The following GRM8 variants were observed in gnomAD, a reference collection of about 807,000 sequenced individuals.
The protein encoded by GRM8 is metabotropic glutamate receptor 8.
Under a neutral mutation model 87.2 loss-of-function variants are expected in GRM8, and 47 were observed. The observed-to-expected ratio is 0.54, with a 90% confidence interval of 0.43 to 0.69. GRM8 has a LOEUF of 0.69. Among genes scored for constraint, GRM8 ranks in the 30% least tolerant of loss-of-function variants. The pLI, the probability that GRM8 is intolerant of heterozygous loss-of-function variation, is 0.00. For missense variants in GRM8, 1,019 were observed against 1,139.2 expected (o/e 0.89, Z 1.52); for synonymous variants, 396 against 404.5 (o/e 0.98, Z 0.25).
intron 3 of GRM8, among the ~76,000 whole-genome samples, chr7:127,030,438 G>C (rs573712738): frequency 1.3e-5 from 2 of 152,180 alleles, no homozygotes; most frequent in East Asian, 3.9e-4. Context: ...AGAAAAAGGG[G>C]CACTTAATTT....
At chr7:126,559,206 G>T (rs952678636) in intron 8 of GRM8, among the ~76,000 whole-genome samples, 1 of 146,860 alleles carries the variant, frequency 6.8e-6, no homozygotes, top group Admixed American at 6.9e-5. Flanking sequence ...AGGCTGGAGT[G>T]CAGTGGTGCG....
At chr7:126,943,945 G>A (rs527513730) in intron 3 of GRM8, among the ~76,000 whole-genome samples, 2 of 152,302 alleles carry the variant, frequency 1.3e-5, no homozygotes, top group South Asian at 4.1e-4. Flanking sequence ...CTTGATGAAA[G>A]TTTAAATATA....
At chr7:126,729,624 G>C (rs1813380040) in intron 7 of GRM8, among the ~76,000 whole-genome samples, 1 of 152,148 alleles carries the variant, frequency 6.6e-6, no homozygotes, top group Admixed American at 6.6e-5. Context: ...TTCCAGTTTA[G>C]AAGTTCTGCA....
At position 126,439,129 on chromosome 7, in the gene GRM8, TG is replaced by T. The variant is rs756186962; in HGVS notation, c.2716del (p.His906IlefsTer17). ...TGCCATTTCCCTGTTTCAGATTGAA[TG>T]ATTGCTGTAACTGATATATGTTGTC... is the stretch of plus-strand genomic sequence containing the variant. ...TKTTYISYSN[H>X]SI On this transcript the variant is annotated frameshift_variant, in exon 11 of 11. Transcript: ENST00000339582. LOFTEE classifies it high-confidence loss of function. The T allele has an allele frequency of 6.4e-7, 1 of 1,573,788 alleles. No individual in the cohort carries two copies. The highest frequency in any genetic ancestry group is 8.7e-7 in the Non-Finnish European group (1 of 1,143,538).
At chr7:126,682,293 G>A (rs1223672072) in intron 7 of GRM8, among the ~76,000 whole-genome samples, 1 of 152,204 alleles carries the variant, frequency 6.6e-6, no homozygotes, top group African/African-American at 2.4e-5. Context: ...ATGCATGAAT[G>A]GAGAGTGAGC....
At chr7:126,773,373 A>C (rs191286407) in intron 6 of GRM8, among the ~76,000 whole-genome samples, 57 of 152,284 alleles carry the variant, frequency 3.7e-4, no homozygotes, top group Middle Eastern at 3.4e-3. Context: ...AATGGCTTCA[A>C]ATGAAGCAAT....
intron 6 of GRM8, among the ~76,000 whole-genome samples, chr7:126,806,118 T>C (rs1391010699): frequency 1.3e-5 from 2 of 152,196 alleles, no homozygotes; most frequent in African/African-American, 4.8e-5. Flanking sequence ...GTGTTAAAGT[T>C]CTTAAAGATG....
chr7:126,475,863 G>A (rs1361058627), intron 9 of GRM8, among the ~76,000 whole-genome samples: 46 of 151,966 alleles, frequency 3.0e-4, no homozygotes. Flanking sequence ...TATGCAATGG[G>A]GAAAACATCA....
intron 6 of GRM8, among the ~76,000 whole-genome samples, chr7:126,854,418 G>A (rs569316568): frequency 4.6e-5 from 7 of 152,238 alleles, no homozygotes; most frequent in African/African-American, 1.7e-4. Flanking sequence ...AGTGGCTATA[G>A]TTTTAGTATG....
intron 6 of GRM8, among the ~76,000 whole-genome samples, chr7:126,890,614 A>T (rs1800905021): frequency 6.6e-6 from 1 of 152,058 alleles, no homozygotes; most frequent in Admixed American, 6.6e-5. Context: ...CTGAGAGAGA[A>T]TAATCTTCCT....
chr7:127,097,018 C>G (rs553448774), intron 3 of GRM8, among the ~76,000 whole-genome samples: 1 of 152,112 alleles, frequency 6.6e-6, no homozygotes, highest in African/African-American at 2.4e-5. Context: ...AATCTGGTGA[C>G]AATGGTCATT....
In GRM8 at chr7:126,606,451, C is replaced by T. The variant is rs537648966; in HGVS notation, c.1494+2911G>A. ...TGGGTGCTACTGTTTTCATTTTAGACATGATAAAACTGAGGCAAATAATTT... is the reference window on the plus strand; with the variant it reads ...TGGGTGCTACTGTTTTCATTTTAGATATGATAAAACTGAGGCAAATAATTT... On this transcript the variant is annotated intron_variant, in intron 8 of 10. Coordinates refer to ENST00000339582, the MANE Select transcript of GRM8 (RefSeq NM_000845.3). Among the ~76,000 whole-genome samples the T allele has an allele frequency of 2.0e-4, 31 of 152,226 alleles. 1 individual carries two copies. Among genetic ancestry groups the T allele is most frequent in the Admixed American group, 2.0e-3 (30 of 15,274 alleles).
At chr7:127,127,197 C>G (rs1827421997) in intron 2 of GRM8, among the ~76,000 whole-genome samples, 1 of 151,888 alleles carries the variant, frequency 6.6e-6, no homozygotes, top group Non-Finnish European at 1.5e-5. Flanking sequence ...GGGGTATACA[C>G]ACACTCACAT....
intron 3 of GRM8, among the ~76,000 whole-genome samples, chr7:127,060,556 G>C (rs1239096288): frequency 6.6e-6 from 1 of 152,024 alleles, no homozygotes; most frequent in Non-Finnish European, 1.5e-5. Flanking sequence ...TTAGTAAATG[G>C]AATACAGAAA....
intron 1 of GRM8, among the ~76,000 whole-genome samples, chr7:127,243,768 T>A (rs1179195806): frequency 2.6e-5 from 4 of 152,086 alleles, no homozygotes; most frequent in African/African-American, 9.7e-5. Flanking sequence ...AGCACTTTTA[T>A]TTATCATCTT....
intron 6 of GRM8, among the ~76,000 whole-genome samples, chr7:126,779,272 A>G (rs1726925161): frequency 6.6e-6 from 1 of 152,108 alleles, no homozygotes; most frequent in Admixed American, 6.5e-5. Context: ...TATTACATGT[A>G]TATTCATTTC....
At chr7:127,047,708 A>G (rs1235411284) in intron 3 of GRM8, among the ~76,000 whole-genome samples, 1 of 152,090 alleles carries the variant, frequency 6.6e-6, no homozygotes, top group East Asian at 1.9e-4. Flanking sequence ...ATTCATACCT[A>G]TAGTGCCAGC....
chr7:126,887,146 A>G (rs972165218), intron 6 of GRM8, among the ~76,000 whole-genome samples: 2 of 152,146 alleles, frequency 1.3e-5, no homozygotes, highest in Non-Finnish European at 2.9e-5. Context: ...TGTTTCAAGA[A>G]GTAGAGTTAG....
chr7:126,834,154 G>GTAC (rs1795642016), intron 6 of GRM8, among the ~76,000 whole-genome samples: 1 of 152,194 alleles, frequency 6.6e-6, no homozygotes. Flanking sequence ...TAATATAGAT[G>GTAC]TACTCAGTGT....
Sources: allele counts gnomAD v4.1 joint callset (sites outside exome capture counted in the v4.1 genomes callset), GRCh38; gene constraint gnomAD v4.1.1; transcripts MANE v1.5; gene names NCBI Gene and HGNC (gene_info 2026-07-23, HGNC 2026-07-21).